NR1I3: variants seen among roughly 807,000 people sequenced by gnomAD.
NR1I3 encodes nuclear receptor subfamily 1 group I member 3.
In NR1I3, 30 loss-of-function variants were observed where a neutral mutation model predicts 38.4. That is an observed-to-expected ratio of 0.78 (90% confidence interval 0.58 to 1.06). NR1I3 has a LOEUF of 1.06. Among genes scored for constraint, NR1I3 ranks in the 50% least tolerant of loss-of-function variants. The probability of loss-of-function intolerance (pLI) is 0.00; values close to 1 mark genes in which losing one functional copy is unlikely to be tolerated. For missense variants in NR1I3, 388 were observed against 435.7 expected (o/e 0.89, Z 0.97); for synonymous variants, 143 against 165.1 (o/e 0.87, Z 1.03).
chr1:161,233,032 G>T, intron 4 of NR1I3, 86 bp from the exon 5 acceptor site: 1 of 1,588,730 alleles, frequency 6.3e-7, no homozygotes, highest in South Asian at 1.1e-5. Context: ...AGAGTTCCTT[G>T]CTGAGAAGCC....
At position 161,232,926 on chromosome 1, in the gene NR1I3, G is replaced by C. The variant is rs755079453; in HGVS notation, c.429C>G (p.Ile143Met). ...CCAGGGTGGGCAAGGGCTGGTGATGGATGAACAGATGAGCTGGAGGCTGCA... is the reference window on the plus strand; with the variant it reads ...CCAGGGTGGGCAAGGGCTGGTGATGCATGAACAGATGAGCTGGAGGCTGCA... ...VQFRPPAHLF[I>M]HHQPLPTLAP... is the part of the protein sequence containing the mutation. The change falls in exon 5 of 9, where the codon ATC becomes ATG. Residue 143 changes from isoleucine to methionine, a missense_variant. By Grantham distance (10) the Ile-to-Met change is conservative. Transcript: ENST00000367983. 4 of 1,614,222 alleles carry C rather than the reference G, an allele frequency of 2.5e-6. No individual in the cohort carries two copies. Among genetic ancestry groups the C allele is most frequent in the Non-Finnish European group, 2.5e-6 (3 of 1,180,050 alleles).
rs1667296925 is a variant in NR1I3 at position 161,231,588 on chromosome 1, C to T, written c.549-114G>A. The T allele has an allele frequency of 8.5e-6, 9 of 1,064,360 alleles. No homozygotes were observed. The South Asian group carries it at 1.5e-4, about 18-fold the overall frequency. The allele number at this position is 1,064,360 out of a possible 1,614,324, so 65.9% of individuals were successfully genotyped here. ...TGATCTCTGCTCACTGTAACCTCTG[C>T]CTCCTGGGTTCAAGCAATTCTCCTG... On this transcript the variant is annotated intron_variant, in intron 5 of 8. Transcript: ENST00000367983.
chr1:161,238,200 G>T lies in NR1I3; in HGVS notation c.-193C>A. 6.5e-7 allele frequency: 1 copy of T among 1,527,400 alleles called. No individual in the cohort carries two copies. 94.6% of individuals were successfully genotyped at this position (1,527,400 alleles called of 1,614,324 possible). ...CCGTAGTATCTGGAAAACAAGAGAT[G>T]TCTGTTTTATGTGGCCTCCAGTTGC... On this transcript the variant is annotated 5_prime_UTR_variant, in exon 1 of 9. Transcript: ENST00000367983.
At chr1:161,230,069 AGACT>A (rs1666782398) in intron 8 of NR1I3, 143 bp from the exon 9 acceptor site, 3 of 970,914 alleles carry the variant, frequency 3.1e-6, no homozygotes, top group Admixed American at 2.7e-5. Context: ...CTGGTATGAC[AGACT>A]ATCAGAGGTT....
At chr1:161,237,714 T>C (rs985606027) in intron 1 of NR1I3, among the ~76,000 whole-genome samples, 1 of 151,192 alleles carries the variant, frequency 6.6e-6, no homozygotes, top group Non-Finnish European at 1.5e-5. Context: ...CGAGACTCCA[T>C]CTCAAAAAAA....
At position 161,230,926 on chromosome 1, in the gene NR1I3, A is replaced by C. The variant is rs1558107076; in HGVS notation, c.812-8T>G. On this transcript the variant is annotated splice_region_variant and splice_polypyrimidine_tract_variant and intron_variant, in intron 7 of 8. Transcript: ENST00000367983. ...GGGTAACTCCAGGTCGGTCTGTAAG[A>C]TAGGGAGCTGGGAAGGACAAGTTGG... 6.2e-7 allele frequency: 1 copy of C among 1,614,068 alleles called. No individual in the cohort carries two copies. The highest frequency in any genetic ancestry group is 8.5e-7 in the Non-Finnish European group (1 of 1,180,000).
chr1:161,234,008 G>C (rs1373435596), intron 3 of NR1I3, among the ~76,000 whole-genome samples: 8 of 151,074 alleles, frequency 5.3e-5, no homozygotes, highest in Admixed American at 5.3e-4. Context: ...GTTTTGTTTT[G>C]AGATGGAGTC....
At chr1:161,231,092 G>A (rs566971371) in intron 7 of NR1I3, 25 bp downstream of exon 7, 3 of 1,614,126 alleles carry the variant, frequency 1.9e-6, no homozygotes, top group South Asian at 1.1e-5. Flanking sequence ...GCAGCAAAAG[G>A]CTCTGGGCTT....
At chr1:161,235,808 G>A (rs745898958) in intron 3 of NR1I3, 39 bp downstream of exon 3, 26 of 1,612,212 alleles carry the variant, frequency 1.6e-5, no homozygotes, top group East Asian at 8.9e-5. Context: ...AAAGACAGAC[G>A]CAGTCAATGG....
chr1:161,236,326 G>T, intron 2 of NR1I3, 133 bp downstream of exon 2: 1 of 1,093,316 alleles, frequency 9.1e-7, no homozygotes, highest in South Asian at 1.6e-5. Context: ...TAGGATGCCA[G>T]CCACAGGGTA....
rs200299407 is a variant in NR1I3 at position 161,236,420 on chromosome 1, G to A, written c.107+39C>T. On this transcript the variant is annotated intron_variant, in intron 2 of 8. Coordinates refer to ENST00000367983, the MANE Select transcript of NR1I3 (RefSeq NM_005122.5). ...GTAAAGGCTGACTAATAGGGAGTTT[G>A]GTTTGGAGGGCTATTTCCATTGGGG... 7.4e-6 allele frequency: 12 copies of A among 1,612,100 alleles called. No homozygotes were observed. In the East Asian group the frequency reaches 2.5e-4, roughly 33 times the overall value.
chr1:161,233,895 GTGTGTATATATA>G (rs1176867693), intron 3 of NR1I3, among the ~76,000 whole-genome samples: 25 of 144,890 alleles, frequency 1.7e-4, no homozygotes, highest in Non-Finnish European at 2.7e-4. Context: ...GTGTATATGT[GTGTGTATATATA>G]TGTGTATATA....
rs745711502 is a variant in NR1I3 at position 161,236,542 on chromosome 1, C to T, written c.24G>A (p.Leu8=). ...GGTCCCCACATACCACACAGTTCCT[C>T]AGCTCATCTTCCCTACTGGCCATGA... The part of the protein sequence containing the change: MASREDE[L]RNCVVCGDQA... The change falls in exon 2 of 9, where the codon CTG becomes CTA. Residue 8 remains leucine (L), a synonymous_variant. Coordinates refer to ENST00000367983, the MANE Select transcript of NR1I3 (RefSeq NM_005122.5). 1 of 1,614,122 alleles carries T rather than the reference C, an allele frequency of 6.2e-7. No homozygotes were observed. The highest frequency in any genetic ancestry group is 1.1e-5 in the South Asian group (1 of 91,082).
intron 3 of NR1I3, 110 bp from the exon 4 acceptor site, chr1:161,233,448 G>T: frequency 1.2e-5 from 14 of 1,143,022 alleles, no homozygotes; most frequent in Non-Finnish European, 1.6e-5. Flanking sequence ...AAGGATGGGG[G>T]CAGTGGGGGG....
At chr1:161,230,222 G>A (rs907450066) in intron 8 of NR1I3, 3 of 412,240 alleles carry the variant, frequency 7.3e-6, no homozygotes, top group African/African-American at 2.0e-5. Context: ...GGAATCTGAG[G>A]GCCTGGCCTT....
Position 161,232,795 on chromosome 1 carries a change from GAGGTCACTCACCGGAAGACGGGC to G in NR1I3, c.537_548+11del, listed in dbSNP as rs1414907872. ...GTGTTTGCCTCCTGAAAGATGAGGG[GAGGTCACTCACCGGAAGACGGGC>G]AGGTCCTTAGTAAACTTGATGACTT... On this transcript the variant is annotated splice_donor_variant and splice_donor_5th_base_variant and coding_sequence_variant and intron_variant, in exon 5 of 9. Transcript: ENST00000367983. LOFTEE classifies it high-confidence loss of function. The G allele has an allele frequency of 1.9e-6, 3 of 1,613,844 alleles. No homozygotes were observed. The highest frequency in any genetic ancestry group is 2.5e-6 in the Non-Finnish European group (3 of 1,179,838).
At position 161,231,107 on chromosome 1, in the gene NR1I3, AG is replaced by A; in HGVS notation, c.811+9del. On this transcript the variant is annotated intron_variant, in intron 7 of 8. Coordinates refer to ENST00000367983, the MANE Select transcript of NR1I3 (RefSeq NM_005122.5). ...GCAGCAAAAGGCTCTGGGCTTTGGGAGGTGCTCACCAGGAGAGAAGAGGGCC... is the reference window on the plus strand; with the variant it reads ...GCAGCAAAAGGCTCTGGGCTTTGGGAGTGCTCACCAGGAGAGAAGAGGGCC... The A allele has an allele frequency of 6.2e-7, 1 of 1,614,124 alleles. No individual in the cohort carries two copies. Among genetic ancestry groups the A allele is most frequent in the Non-Finnish European group, 8.5e-7 (1 of 1,180,024 alleles).
Position 161,230,897 on chromosome 1 carries a change from C to A in NR1I3, c.833G>T (p.Arg278Ile). 1 of 1,614,160 alleles carries A rather than the reference C, an allele frequency of 6.2e-7. No individual in the cohort carries two copies. The highest frequency in any genetic ancestry group is 1.1e-5 in the South Asian group (1 of 91,084). The stretch of plus-strand genomic sequence containing the variant: ...CTCTTGCAGCTGATCAATCTCATCT[C>A]TCTGGGTAACTCCAGGTCGGTCTGT... ...FSPDRPGVTQRDEIDQLQEEM... is the reference protein window; with the variant it reads ...FSPDRPGVTQIDEIDQLQEEM... Residue 278 changes from arginine (R) to isoleucine (I), a missense_variant, in exon 8 of 9, where the codon AGA becomes ATA. Physicochemically the swap from Arg to Ile is moderately conservative, Grantham distance 97 (BLOSUM62 -3). Transcript: ENST00000367983.
At position 161,229,870 on chromosome 1, in the gene NR1I3, G is replaced by A; in HGVS notation, c.974C>T (p.Ala325Val). The A allele has an allele frequency of 6.2e-7, 1 of 1,614,178 alleles. No individual in the cohort carries two copies. Among genetic ancestry groups the A allele is most frequent in the South Asian group, 1.1e-5 (1 of 91,082 alleles). Residue 325 changes from alanine (A) to valine (V), a missense_variant, in exon 9 of 9, where the codon GCC becomes GTC. Ala to Val is a moderately conservative substitution (Grantham distance 64). Coordinates refer to ENST00000367983, the MANE Select transcript of NR1I3 (RefSeq NM_005122.5). ...LLAELRSINE[A>V]YGYQIQHIQG... ...GATGTGCTGGATTTGGTACCCGTAG[G>A]CCTCATTAATGCTCCGGAGCTCAGC...
Sources: gnomAD v4.1 joint callset for allele counts (sites outside exome capture counted in the v4.1 genomes callset) on GRCh38, gnomAD v4.1.1 for gene constraint, MANE v1.5 for transcripts, NCBI Gene and HGNC (gene_info 2026-07-23, HGNC 2026-07-21) for gene names.